DST: variants seen among roughly 807,000 people sequenced by gnomAD.
DST encodes bullous pemphigoid antigen.
Under a neutral mutation model 875.2 loss-of-function variants are expected in DST, and 253 were observed. The observed-to-expected ratio is 0.29, with a 90% CI of 0.26 to 0.32. The LOEUF (loss-of-function observed/expected upper bound fraction) is 0.32, where lower values mean the gene tolerates loss of function less well. Among genes scored for constraint, DST ranks in the 10% least tolerant of loss-of-function variants. DST has a pLI of 1.00. For synonymous variants in DST, 3,124 were observed against 3,197.1 expected (o/e 0.98, Z 0.77); for missense variants, 8,287 against 9,111.6 (o/e 0.91, Z 3.68).
chr6:56,529,603 C>T lies in DST; in HGVS notation c.17440G>A (p.Glu5814Lys). Residue 5814 changes from glutamate to lysine, a missense_variant, in exon 66 of 104, where the codon GAG becomes AAG. By Grantham distance (56) the Glu-to-Lys change is moderately conservative. Around this residue, in one of 10 missense-constraint regions of DST, gnomAD observed 777 missense variants for 764.8 expected, o/e 1.02. Coordinates refer to ENST00000680361, the MANE Select transcript of DST (RefSeq NM_001374736.1). ...TTACATAAGGCCTGCTGGAGGAGCT[C>T]AGACCTGCTGTGACTTTTCTCTTGA... is the stretch of plus-strand genomic sequence containing the variant. ...EIQEKSHSRSELLQQALCNAK... is the reference protein window; with the variant it reads ...EIQEKSHSRSKLLQQALCNAK... 1 of 1,613,822 alleles carries T rather than the reference C, an allele frequency of 6.2e-7. No individual in the cohort carries two copies. The highest frequency in any genetic ancestry group is 8.5e-7 in the Non-Finnish European group (1 of 1,179,790).
intron 4 of DST, among the ~76,000 whole-genome samples, chr6:56,749,361 T>TA (rs1379715092): frequency 6.6e-6 from 1 of 151,930 alleles, no homozygotes; most frequent in African/African-American, 2.4e-5. Context: ...CTCAAAAAAA[T>TA]AAAAAATAAG....
chr6:56,607,532 G>GT lies in DST; in HGVS notation c.7095dup (p.Leu2366ThrfsTer5), dbSNP rs767671692. On this transcript the variant is annotated frameshift_variant, in exon 40 of 104. Coordinates refer to ENST00000680361, the MANE Select transcript of DST (RefSeq NM_001374736.1). LOFTEE classifies it high-confidence loss of function. ...CGGCTTTGATTTTCATAGTTTGTAA[G>GT]TATGTTTTCAGAGTCACTTCTAAGC... 6.2e-7 allele frequency: 1 copy of GT among 1,604,584 alleles called. No homozygotes were observed. The highest frequency in any genetic ancestry group is 8.5e-7 in the Non-Finnish European group (1 of 1,174,630).
Position 56,553,190 on chromosome 6 carries a change from C to G in DST, c.15602G>C (p.Gly5201Ala), listed in dbSNP as rs763915802. Residue 5201 changes from glycine (G) to alanine (A), a missense_variant, in exon 61 of 104, where the codon GGA becomes GCA. By Grantham distance (60) the Gly-to-Ala change is moderately conservative (BLOSUM62 0). Transcript: ENST00000680361. Reference sequence around the variant, plus strand: ...CTTTAACTTGGCAATAGAATTCTCTCCTTCAGCAGGATCCAAGCAAAATTT... The same window carrying G: ...CTTTAACTTGGCAATAGAATTCTCTGCTTCAGCAGGATCCAAGCAAAATTT... Reference protein sequence around the residue: ...EIKFCLDPAEGENSIAKLKSL... With the variant: ...EIKFCLDPAEAENSIAKLKSL... 13 of 1,613,878 alleles carry G rather than the reference C, an allele frequency of 8.1e-6. No individual in the cohort carries two copies. The highest frequency in any genetic ancestry group is 1.1e-5 in the Non-Finnish European group (13 of 1,179,896).
intron 2 of DST, among the ~76,000 whole-genome samples, chr6:56,948,363 C>T (rs144626264): frequency 6.8e-4 from 103 of 152,240 alleles, no homozygotes; most frequent in African/African-American, 2.2e-3. Flanking sequence ...ATAAGGGTGA[C>T]TTGAACACAA....
intron 64 of DST, 45 bp from the exon 65 acceptor site, chr6:56,530,178 A>G (rs1476512211): frequency 7.0e-7 from 1 of 1,438,822 alleles, no homozygotes; most frequent in Non-Finnish European, 9.2e-7. Flanking sequence ...GAATGTGTGA[A>G]ATATTCAACA....
chr6:56,633,741 A>G (rs1161822923), intron 27 of DST, among the ~76,000 whole-genome samples: 2 of 151,494 alleles, frequency 1.3e-5, no homozygotes, highest in Admixed American at 6.6e-5. Flanking sequence ...CTCTTAGGTG[A>G]TCCACCTGCC....
intron 90 of DST, 56 bp from the exon 91 acceptor site, chr6:56,477,544 C>T: frequency 1.9e-6 from 3 of 1,603,536 alleles, no homozygotes; most frequent in Middle Eastern, 3.3e-4. Flanking sequence ...AAACAAAACT[C>T]TGGTGGCATT....
intron 3 of DST, among the ~76,000 whole-genome samples, chr6:56,884,426 T>C (rs912024645): frequency 6.6e-6 from 1 of 152,200 alleles, no homozygotes; most frequent in Non-Finnish European, 1.5e-5. Flanking sequence ...AATCTATAAT[T>C]AGAACTAGCA....
intron 34 of DST, 64 bp from the exon 35 acceptor site, chr6:56,625,328 T>A: frequency 9.8e-7 from 1 of 1,023,060 alleles, no homozygotes. Context: ...CATTCTACAA[T>A]AATTTAACAC....
At chr6:56,727,328 G>A (rs147657645) in intron 5 of DST, among the ~76,000 whole-genome samples, 218 of 152,190 alleles carry the variant, frequency 1.4e-3, no homozygotes, top group Non-Finnish European at 2.4e-3. Context: ...CCCGGACCAC[G>A]TTGGGCACAT....
At chr6:56,469,345 T>C (rs1426396130) in intron 97 of DST, among the ~76,000 whole-genome samples, 1 of 150,298 alleles carries the variant, frequency 6.7e-6, no homozygotes, top group Non-Finnish European at 1.5e-5. Flanking sequence ...ATAAGAGATG[T>C]TCCAAAAGAG....
chr6:56,665,687 G>C (rs2099068905), intron 10 of DST, among the ~76,000 whole-genome samples: 2 of 152,062 alleles, frequency 1.3e-5, no homozygotes, highest in Non-Finnish European at 2.9e-5. Context: ...CCAGACACTG[G>C]GGACTACTAT....
In DST at chr6:56,595,779, A is replaced by ACCCCCCCC. The variant is rs559086079; in HGVS notation, c.12196-1587_12196-1586insGGGGGGGG. ...GGTATTTGAAATACATTCATATGCTACCCCCACCCCACCCCGAGAAGGGCT... is the reference window on the plus strand; with the variant it reads ...GGTATTTGAAATACATTCATATGCTACCCCCCCCCCCCCACCCCACCCCGAGAAGGGCT... On this transcript the variant is annotated intron_variant, in intron 47 of 103. Coordinates refer to ENST00000680361, the MANE Select transcript of DST (RefSeq NM_001374736.1). 6.2e-5 allele frequency among the ~76,000 whole-genome samples: 9 copies of ACCCCCCCC among 144,514 alleles called. 1 individual carries two copies. Among genetic ancestry groups the ACCCCCCCC allele is most frequent in the African/African-American group, 2.6e-4 (9 of 34,408 alleles). 94.8% of individuals were successfully genotyped at this position (144,514 alleles called of 152,430 possible).
chr6:56,782,557 A>C (rs1306980415), intron 4 of DST, among the ~76,000 whole-genome samples: 1 of 151,954 alleles, frequency 6.6e-6, no homozygotes, highest in African/African-American at 2.4e-5. Context: ...TTTCTGTGGG[A>C]TTGGTGGTGA....
At chr6:56,740,651 G>A (rs2152936737) in intron 4 of DST, among the ~76,000 whole-genome samples, 1 of 152,302 alleles carries the variant, frequency 6.6e-6, no homozygotes, top group South Asian at 2.1e-4. Context: ...TGGAAGTGCT[G>A]ACCACATCTC....
intron 5 of DST, among the ~76,000 whole-genome samples, chr6:56,706,338 GAA>G (rs969073648): frequency 6.6e-6 from 1 of 150,804 alleles, no homozygotes; most frequent in African/African-American, 2.4e-5. Context: ...AAGAAAGAAA[GAA>G]AGAAAAACCT....
In DST at chr6:56,560,388, T is replaced by G. The variant is rs377094437; in HGVS notation, c.14346A>C (p.Lys4782Asn). 4 of 1,603,572 alleles carry G rather than the reference T, an allele frequency of 2.5e-6. No homozygotes were observed. In the Admixed American group the frequency reaches 6.8e-5, roughly 27 times the overall value. ...TCAATTTGTCTTTCAACTCCTGTAC[T>G]TTGTTTACATTCTGCTTCAGTTCTG... ...FEAELKQNVN[K>N]VQELKDKLTE... The change falls in exon 58 of 104, where the codon AAA becomes AAC. Residue 4782 changes from lysine to asparagine, a missense_variant. Lys to Asn is a moderately conservative substitution (Grantham distance 94). Transcript: ENST00000680361.
At chr6:56,466,358 G>C (rs2094575712) in intron 98 of DST, 163 bp from the exon 99 acceptor site, 2 of 440,158 alleles carry the variant, frequency 4.5e-6, no homozygotes, top group Non-Finnish European at 8.0e-6. Flanking sequence ...ATTTGTGTTA[G>C]ACGGCTGCAT....
At chr6:56,692,917 C>A (rs1402630353) in intron 9 of DST, 11 of 1,289,632 alleles carry the variant, frequency 8.5e-6, no homozygotes, top group Non-Finnish European at 1.1e-5. Context: ...CTGTACCAGT[C>A]CCCTGGATAA....
Sources: gnomAD v4.1 joint callset for allele counts (sites outside exome capture counted in the v4.1 genomes callset) on GRCh38, gnomAD v4.1.1 for gene constraint, gnomAD v4.1.1 regional missense constraint, MANE v1.5 for transcripts, NCBI Gene and HGNC (gene_info 2026-07-23, HGNC 2026-07-21) for gene names.